Variants in SZT2 observed in about 807,000 individuals in gnomAD.
SZT2 encodes the protein KICSTOR complex protein SZT2.
Under a neutral mutation model 404.2 loss-of-function variants are expected in SZT2, and 216 were observed. The ratio of observed to expected loss-of-function variants is 0.53; its 90% CI spans 0.48 to 0.60. The LOEUF (loss-of-function observed/expected upper bound fraction) is 0.60, where lower values mean the gene tolerates loss of function less well. Among genes scored for constraint, SZT2 ranks in the 20% least tolerant of loss-of-function variants. The pLI, the probability that SZT2 is intolerant of heterozygous loss-of-function variation, is 0.00. For missense variants in SZT2, 3,857 were observed against 4,459.2 expected, an observed-to-expected ratio of 0.86 and a Z score of 3.85; for synonymous variants, 1,693 against 1,749.9, an observed-to-expected ratio of 0.97 and a Z score of 0.81.
chr1:43,398,296 A>G (rs993432152), intron 1 of SZT2, among the ~76,000 whole-genome samples: 1 of 152,078 alleles, frequency 6.6e-6, no homozygotes, highest in Non-Finnish European at 1.5e-5. Context: ...GGGAGAAAAA[A>G]CCATAGCGAA....
rs1218524631 is a variant in SZT2 at position 43,452,899 on chromosome 1, A to G, written c.*2419A>G. ...AGGCCTCCCCATCCCAACAGGCTACATACATGTCCAGCCTCAGGAACGCTG... is the reference window on the plus strand; with the variant it reads ...AGGCCTCCCCATCCCAACAGGCTACGTACATGTCCAGCCTCAGGAACGCTG... On this transcript the variant is annotated 3_prime_UTR_variant, in exon 72 of 72. Transcript: ENST00000634258. The G allele has an allele frequency of 1.3e-6, 2 of 1,597,560 alleles. No individual in the cohort carries two copies. The highest frequency in any genetic ancestry group is 1.7e-6 in the Non-Finnish European group (2 of 1,172,964).
rs1320225927 is a variant in SZT2, at chr1:43,433,049, A to G, written c.5663A>G (p.Lys1888Arg). 6.2e-7 allele frequency: 1 copy of G among 1,614,090 alleles called. No homozygotes were observed. Among genetic ancestry groups the G allele is most frequent in the African/African-American group, 1.3e-5 (1 of 75,012 alleles). Residue 1888 changes from lysine to arginine, a missense_variant, in exon 40 of 72, where the codon AAG (lysine) becomes AGG (arginine). By Grantham distance (26) the Lys-to-Arg change is conservative. Coordinates refer to ENST00000634258, the MANE Select transcript of SZT2 (RefSeq NM_001365999.1). ...SEGPNDTLGE[K>R]APFTLRTPPG... is the part of the protein sequence containing the mutation. ...GGTCCCAATGACACCCTTGGTGAGA[A>G]GGCCCCCTTCACATTGCGGACTCCA...
At chr1:43,423,073 A>G in intron 14 of SZT2, 26 bp from the exon 15 acceptor site, 2 of 1,562,090 alleles carry the variant, frequency 1.3e-6, no homozygotes, top group Non-Finnish European at 1.7e-6. Context: ...TGGGAGTAAG[A>G]GGATGTGACC....
At chr1:43,391,887 CTGG>C (rs1648390234) in intron 1 of SZT2, among the ~76,000 whole-genome samples, 1 of 78,472 alleles carries the variant, frequency 1.3e-5, no homozygotes, top group African/African-American at 5.2e-5. Context: ...CGAGACCATC[CTGG>C]CTAAAACGGT....
chr1:43,390,131 A>G, intron 1 of SZT2, 136 bp downstream of exon 1: 1 of 1,047,902 alleles, frequency 9.5e-7, no homozygotes, highest in Non-Finnish European at 1.3e-6. Flanking sequence ...CCCAGCCCGG[A>G]AGGCCCGACT....
At chr1:43,405,956 T>C (rs1022946759) in intron 4 of SZT2, 5 of 152,500 alleles carry the variant, frequency 3.3e-5, no homozygotes, top group African/African-American at 1.2e-4. Context: ...GAGATAAATA[T>C]TAAAGGGAGG....
chr1:43,404,651 G>A (rs1220838001), intron 4 of SZT2, 101 bp downstream of exon 4: 3 of 1,286,046 alleles, frequency 2.3e-6, no homozygotes, highest in Non-Finnish European at 3.2e-6. Context: ...CCAAAGTCCC[G>A]AGCTCTGCTG....
At position 43,415,135 on chromosome 1, in the gene SZT2, G is replaced by T. The variant is rs1395885447; in HGVS notation, c.552G>T (p.Gln184His). ...CTTCCCAGCGGGAGGTGTTCCTGCA[G>T]CAGATATATGAGCAGCTCTGCCTCT... is the stretch of plus-strand genomic sequence containing the variant. ...LDPSQREVFL[Q>H]QIYEQLCLFE... The change falls in exon 5 of 72, where the codon CAG (glutamine) becomes CAT (histidine). Residue 184 changes from glutamine (Q) to histidine (H), a missense_variant. Around this residue, in one of 7 missense-constraint regions of SZT2, gnomAD observed 536 missense variants for 637.4 expected, o/e 0.84. Transcript: ENST00000634258. 2 of 1,598,164 alleles carry T rather than the reference G, an allele frequency of 1.3e-6. No individual in the cohort carries two copies. Among genetic ancestry groups the T allele is most frequent in the Admixed American group, 3.3e-5 (2 of 60,004 alleles).
At position 43,431,357 on chromosome 1, in the gene SZT2, C is replaced by G. The variant is rs768416733; in HGVS notation, c.5009C>G (p.Pro1670Arg). The G allele has an allele frequency of 2.9e-5, 47 of 1,612,308 alleles. No homozygotes were observed. The highest frequency in any genetic ancestry group is 4.0e-5 in the Non-Finnish European group (47 of 1,178,570). ...GATGGCCTCGGGCCCCCACTGCCAC[C>G]CCCAGAAGAGGAGAGGTACTTCTTT... ...SDDGLGPPLP[P>R]PEEERHPGLS... The change falls in exon 34 of 72, where the codon CCC (proline) becomes CGC (arginine). Residue 1670 changes from proline (P) to arginine (R), a missense_variant. Coordinates refer to ENST00000634258, the MANE Select transcript of SZT2 (RefSeq NM_001365999.1).
At position 43,453,741 on chromosome 1, in the gene SZT2, G is replaced by C. The variant is rs760871370; in HGVS notation, c.*3261G>C. ...GGCCCGCACCCGCGCGGGGAGGCCG[G>C]AGAGCTCGGGGAATAGCCAGGACAG... On this transcript the variant is annotated 3_prime_UTR_variant, in exon 72 of 72. Coordinates refer to ENST00000634258, the MANE Select transcript of SZT2 (RefSeq NM_001365999.1). 3 of 1,387,540 alleles carry C rather than the reference G, an allele frequency of 2.2e-6. No individual in the cohort carries two copies. Among genetic ancestry groups the C allele is most frequent in the Admixed American group, 3.7e-5 (1 of 26,760 alleles). The allele number at this position is 1,387,540 out of a possible 1,614,324, so 86.0% of individuals were successfully genotyped here.
At chr1:43,416,147 G>A in intron 6 of SZT2, 46 bp downstream of exon 6, 7 of 1,585,884 alleles carry the variant, frequency 4.4e-6, no homozygotes, top group Non-Finnish European at 6.0e-6. Context: ...AGGGATACAG[G>A]AAGGGTGGGG....
rs889448726 is a variant in SZT2 at position 43,416,575 on chromosome 1, T to A, written c.813T>A (p.Asp271Glu). The change falls in exon 7 of 72, where the codon GAT (aspartate) becomes GAA (glutamate). Residue 271 changes from aspartate to glutamate, a missense_variant. By Grantham distance (45) the Asp-to-Glu change is conservative (BLOSUM62 2). Coordinates refer to ENST00000634258, the MANE Select transcript of SZT2 (RefSeq NM_001365999.1). ...VITDGVTSVPDVAVCETLLNQ... is the reference protein window; with the variant it reads ...VITDGVTSVPEVAVCETLLNQ... ...CGGATGGGGTGACCAGTGTACCTGA[T>A]GTTGCTGTCTGTGAGACACTGCTGA... is the stretch of plus-strand genomic sequence containing the variant. 4 of 1,598,272 alleles carry A rather than the reference T, an allele frequency of 2.5e-6. No individual in the cohort carries two copies. Among genetic ancestry groups the A allele is most frequent in the Non-Finnish European group, 3.4e-6 (4 of 1,179,818 alleles).
chr1:43,430,376 T>C lies in SZT2; in HGVS notation c.4467T>C (p.Leu1489=). ...ISDLEFSEAE[L]MGEEGDTSAC... ...ACCTGGAGTTTTCAGAGGCTGAGCT[T>C]ATGGGAGAAGAAGGTATGTGGGCAA... Residue 1489 remains leucine (L), a synonymous_variant, in exon 31 of 72, where the codon CTT becomes CTC. Coordinates refer to ENST00000634258, the MANE Select transcript of SZT2 (RefSeq NM_001365999.1). The C allele has an allele frequency of 6.2e-7, 1 of 1,608,972 alleles. No individual in the cohort carries two copies. The highest frequency in any genetic ancestry group is 8.5e-7 in the Non-Finnish European group (1 of 1,178,264).
At chr1:43,403,350 C>G in intron 2 of SZT2, 48 bp downstream of exon 2, 1 of 1,587,690 alleles carries the variant, frequency 6.3e-7, no homozygotes, top group East Asian at 2.2e-5. Context: ...CCAGAAGGAT[C>G]TGTTTTTTAG....
Position 43,440,515 on chromosome 1 carries a change from C to G in SZT2, c.7273C>G (p.Pro2425Ala). ...SSAGRASTFPPAPVPGEPVTP... is the reference protein window; with the variant it reads ...SSAGRASTFPAAPVPGEPVTP... ...TGCAGGCCGAGCTAGCACCTTTCCC[C>G]CTGCCCCTGTCCCTGGGGAGCCTGT... Residue 2425 changes from proline (P) to alanine (A), a missense_variant, in exon 52 of 72, where the codon CCT becomes GCT. By Grantham distance (27) the Pro-to-Ala change is conservative. Coordinates refer to ENST00000634258, the MANE Select transcript of SZT2 (RefSeq NM_001365999.1). The G allele has an allele frequency of 6.2e-7, 1 of 1,608,958 alleles. No individual in the cohort carries two copies. Among genetic ancestry groups the G allele is most frequent in the South Asian group, 1.1e-5 (1 of 90,442 alleles).
rs2153935665 is a variant in SZT2 at position 43,441,155 on chromosome 1, C to T, written c.7345-59C>T. 2 of 1,577,866 alleles carry T rather than the reference C, an allele frequency of 1.3e-6. No individual in the cohort carries two copies. The highest frequency in any genetic ancestry group is 2.3e-5 in the South Asian group (2 of 85,600). ...TAGCTCACTGCTGTTCCATAGTGCC[C>T]CCATCCCACACCTTTCCTCTTCCCA... On this transcript the variant is annotated intron_variant, in intron 52 of 71. Coordinates refer to ENST00000634258, the MANE Select transcript of SZT2 (RefSeq NM_001365999.1). The surrounding 1 kb of genome is among the most constrained non-coding windows in gnomAD (Gnocchi z 4.8).
At position 43,440,584 on chromosome 1, in the gene SZT2, C is replaced by T. The variant is rs899974442; in HGVS notation, c.7342C>T (p.Leu2448=). Residue 2448 remains leucine (L), a splice_region_variant and synonymous_variant, in exon 52 of 72, where the codon CTG becomes TTG. Coordinates refer to ENST00000634258, the MANE Select transcript of SZT2 (RefSeq NM_001365999.1). ...GGGCCGGCGTAGCTTCTGGGATATG[C>T]TGGTAATGGAAGAAGTGGTGAAGTG... ...KAGRRSFWDM[L]SKTECGDLGS... 2 of 1,588,170 alleles carry T rather than the reference C, an allele frequency of 1.3e-6. No individual in the cohort carries two copies. Among genetic ancestry groups the T allele is most frequent in the South Asian group, 2.3e-5 (2 of 87,400 alleles).
In SZT2 at chr1:43,446,196, A is replaced by G. The variant is rs773066034; in HGVS notation, c.8934A>G (p.Val2978=). Residue 2978 remains valine (V), a synonymous_variant, in exon 64 of 72, where the codon GTA becomes GTG. Transcript: ENST00000634258. ...TTCTTCAGAGCACTAGCTCTCCGGT[A>G]ACCACCTACCACCTGCAGCGGGCAC... ...DGSPKSTSSP[V]TTYHLQRALP... 6.2e-7 allele frequency: 1 copy of G among 1,614,166 alleles called. No homozygotes were observed. The highest frequency in any genetic ancestry group is 8.5e-7 in the Non-Finnish European group (1 of 1,180,022).
At position 43,435,373 on chromosome 1, in the gene SZT2, G is replaced by A. The variant is rs147807741; in HGVS notation, c.6034+44G>A. On this transcript the variant is annotated intron_variant, in intron 42 of 71. Transcript: ENST00000634258. ...GCCTCCCTCACAAGGCAGTGCTGCC[G>A]CCCTTTCTTTTACCGAATACTCTGG... 1,197 of 1,607,142 alleles carry A rather than the reference G, an allele frequency of 7.4e-4. 3 individuals carry two copies. The highest frequency in any genetic ancestry group is 5.5e-3 in the African/African-American group (411 of 74,952).
Sources: gnomAD v4.1 joint callset for allele counts (sites outside exome capture counted in the v4.1 genomes callset) on GRCh38, gnomAD v4.1.1 for gene constraint, gnomAD v4.1.1 regional missense constraint, Gnocchi (gnomAD v3.1) non-coding constraint, MANE v1.5 for transcripts, NCBI Gene and HGNC (gene_info 2026-07-23, HGNC 2026-07-21) for gene names.